The following PRKDC variants were observed in gnomAD, a reference collection of about 807,000 sequenced individuals.
PRKDC encodes DNA-dependent protein kinase catalytic subunit.
A neutral mutation model predicts 486.9 loss-of-function variants in PRKDC; 82 were observed. That is an observed-to-expected ratio of 0.17 (90% CI 0.14 to 0.20). PRKDC has a LOEUF of 0.20. PRKDC is among the 10% of genes least tolerant of loss of function. PRKDC has a pLI of 1.00. For synonymous variants in PRKDC, 1,895 were observed against 1,837.0 expected, an observed-to-expected ratio of 1.03 and a Z score of -0.81; for missense variants, 4,504 against 5,038.2, an observed-to-expected ratio of 0.89 and a Z score of 3.21.
In PRKDC at chr8:47,799,228, C is replaced by T; in HGVS notation, c.10279G>A (p.Glu3427Lys). The T allele has an allele frequency of 1.2e-6, 2 of 1,613,918 alleles. No homozygotes were observed. Among genetic ancestry groups the T allele is most frequent in the Non-Finnish European group, 1.7e-6 (2 of 1,179,892 alleles). ...ADFCDQQLRKEEENASVIDSA... is the reference protein window; with the variant it reads ...ADFCDQQLRKKEENASVIDSA... ...AATTCACCTGATGCATTCTCTTCCT[C>T]CTTGCGCAGCTGTTGGTCACAGAAA... The change falls in exon 72 of 86, where the codon GAG becomes AAG. Residue 3427 changes from glutamate (E) to lysine (K), a missense_variant. Glu to Lys is a moderately conservative substitution (Grantham distance 56). Around this residue, in one of 6 missense-constraint regions of PRKDC, gnomAD observed 706 missense variants for 945.0 expected, o/e 0.75. Coordinates refer to ENST00000314191, the MANE Select transcript of PRKDC (RefSeq NM_006904.7).
chr8:47,858,936 G>T lies in PRKDC; in HGVS notation c.6258C>A (p.Asp2086Glu). 1 of 1,613,644 alleles carries T rather than the reference G, an allele frequency of 6.2e-7. No homozygotes were observed. Among genetic ancestry groups the T allele is most frequent in the Non-Finnish European group, 8.5e-7 (1 of 1,179,874 alleles). ...CCATGCACTCATGCCGATTGAGCTC[G>T]TCCATCTCCAGCTCCAGCACATCAT... ...VHDDVLELEMDELNRHECMAP... is the reference protein window; with the variant it reads ...VHDDVLELEMEELNRHECMAP... Residue 2086 changes from aspartate (D) to glutamate (E), a missense_variant, in exon 47 of 86, where the codon GAC becomes GAA. By Grantham distance (45) the Asp-to-Glu change is conservative. Around this residue, in one of 6 missense-constraint regions of PRKDC, gnomAD observed 1,592 missense variants for 1,724.6 expected, o/e 0.92. Coordinates refer to ENST00000314191, the MANE Select transcript of PRKDC (RefSeq NM_006904.7).
chr8:47,849,774 C>A (rs1018179090), intron 52 of PRKDC, among the ~76,000 whole-genome samples: 1 of 152,122 alleles, frequency 6.6e-6, no homozygotes, highest in Admixed American at 6.5e-5. Flanking sequence ...GTGTCTGGCT[C>A]GTGTAGATGT....
intron 10 of PRKDC, chr8:47,939,950 GAA>G (rs75394842): frequency 3.2e-4 from 21 of 65,824 alleles, no homozygotes; most frequent in East Asian, 8.7e-4. Flanking sequence ...ACATAAGTCT[GAA>G]AAAAAAAAAA....
At chr8:47,955,621 A>G (rs2090689019) in intron 4 of PRKDC, among the ~76,000 whole-genome samples, 1 of 152,164 alleles carries the variant, frequency 6.6e-6, no homozygotes, top group South Asian at 2.1e-4. Flanking sequence ...AGAGCAATAA[A>G]TTCCTTAGTC....
At chr8:47,894,677 C>T (rs565237129) in intron 30 of PRKDC, among the ~76,000 whole-genome samples, 2 of 152,282 alleles carry the variant, frequency 1.3e-5, no homozygotes, top group South Asian at 4.1e-4. Context: ...GAGGGACAAC[C>T]CTGCACCTGT....
intron 67 of PRKDC, among the ~76,000 whole-genome samples, chr8:47,817,827 T>C (rs569877193): frequency 6.6e-6 from 1 of 152,348 alleles, no homozygotes; most frequent in South Asian, 2.1e-4. Context: ...AGTCCATCTG[T>C]AATATCAAAA....
intron 41 of PRKDC, among the ~76,000 whole-genome samples, chr8:47,864,346 T>TGGCCTCCA (rs1189890585): frequency 6.6e-6 from 1 of 152,148 alleles, no homozygotes; most frequent in Non-Finnish European, 1.5e-5. Context: ...TCTGGACTTC[T>TGGCCTCCA]GGCCTCCAGA....
intron 34 of PRKDC, 37 bp from the exon 35 acceptor site, chr8:47,887,742 G>C (rs372792036): frequency 3.2e-6 from 5 of 1,548,664 alleles, no homozygotes; most frequent in Non-Finnish European, 4.3e-6. Flanking sequence ...CTAGCAAAAA[G>C]ATATTTCTTA....
At chr8:47,927,077 A>T in intron 21 of PRKDC, 117 bp downstream of exon 21, 1 of 951,664 alleles carries the variant, frequency 1.1e-6, no homozygotes, top group East Asian at 2.8e-5. Flanking sequence ...GCAATCAAAC[A>T]TATTTTGAAC....
chr8:47,804,711 T>C (rs1009458555), intron 69 of PRKDC, among the ~76,000 whole-genome samples: 1 of 152,174 alleles, frequency 6.6e-6, no homozygotes, highest in African/African-American at 2.4e-5. Flanking sequence ...TTGTTTCTCA[T>C]GGGTCTGGGA....
chr8:47,865,047 C>G (rs1272990211), intron 40 of PRKDC, among the ~76,000 whole-genome samples: 1 of 152,200 alleles, frequency 6.6e-6, no homozygotes, highest in Non-Finnish European at 1.5e-5. Flanking sequence ...CTGGAAGGCT[C>G]TAGAAGAATC....
chr8:47,949,410 T>C (rs900631646), intron 7 of PRKDC, among the ~76,000 whole-genome samples: 7 of 152,220 alleles, frequency 4.6e-5, no homozygotes, highest in Non-Finnish European at 8.8e-5. Flanking sequence ...ACATTTTACC[T>C]GCCATGAAGA....
rs1382269413 is a variant in PRKDC, at chr8:47,881,519, A to G, written c.4964T>C (p.Ile1655Thr). Residue 1655 changes from isoleucine to threonine, a missense_variant and splice_region_variant, in exon 38 of 86, where the codon ATT becomes ACT. By Grantham distance (89) the Ile-to-Thr change is moderately conservative (BLOSUM62 -1). This residue lies in a region of PRKDC where 1,969 missense variants were observed against 2,068.9 expected (regional missense o/e 0.95). Transcript: ENST00000314191. ...VLALLAKILQ[I>T]DSSVSFNTSH... ...TGTATTAAAAGATACAGATGAATCA[A>G]TCTAAAGGAAGGAAAAGAAAAACAG... is the stretch of plus-strand genomic sequence containing the variant. 2 of 1,462,818 alleles carry G rather than the reference A, an allele frequency of 1.4e-6. No homozygotes were observed. The highest frequency in any genetic ancestry group is 1.3e-5 in the South Asian group (1 of 77,028). The allele number at this position is 1,462,818 out of a possible 1,614,324, so 90.6% of individuals were successfully genotyped here.
chr8:47,933,821 G>T, intron 15 of PRKDC, 144 bp downstream of exon 15: 2 of 861,592 alleles, frequency 2.3e-6, no homozygotes, highest in Non-Finnish European at 1.6e-6. Context: ...GATTCATACG[G>T]TTTTAATTTT....
intron 68 of PRKDC, among the ~76,000 whole-genome samples, chr8:47,810,829 CA>C (rs2087309701): frequency 6.6e-6 from 1 of 151,538 alleles, no homozygotes; most frequent in East Asian, 1.9e-4. Flanking sequence ...ACAAGTAAGA[CA>C]AAAGAAAATA....
At chr8:47,807,374 C>T (rs770996520) in intron 68 of PRKDC, 48 bp from the exon 69 acceptor site, 2 of 1,423,210 alleles carry the variant, frequency 1.4e-6, no homozygotes, top group South Asian at 1.5e-5. Flanking sequence ...GAATAGGAAG[C>T]TGCTGGATAG....
At chr8:47,840,274 T>G in intron 54 of PRKDC, 85 bp from the exon 55 acceptor site, 1 of 1,084,894 alleles carries the variant, frequency 9.2e-7, no homozygotes, top group Non-Finnish European at 1.3e-6. Context: ...TTTTCTTCTT[T>G]GTTTCAAAAT....
At chr8:47,952,872 G>C (rs2090648197) in intron 7 of PRKDC, among the ~76,000 whole-genome samples, 1 of 152,150 alleles carries the variant, frequency 6.6e-6, no homozygotes, top group Admixed American at 6.5e-5. Flanking sequence ...GGGTGCGGTG[G>C]CTCATGCCTG....
In PRKDC at chr8:47,854,202, T is replaced by C. The variant is rs756016734; in HGVS notation, c.6774A>G (p.Glu2258=). Residue 2258 remains glutamate, a synonymous_variant, in exon 51 of 86, where the codon GAA becomes GAG. Transcript: ENST00000314191. ...AATTAGGATCTTTACCGGAAAACTT[T>C]TCAAATATTAACCTGAAACATAAGC... ...CLSIPYRLIF[E]KFSGKDPNSK... is the part of the protein sequence containing the mutation. The C allele has an allele frequency of 2.5e-6, 4 of 1,613,356 alleles. No homozygotes were observed. Among genetic ancestry groups the C allele is most frequent in the Non-Finnish European group, 3.4e-6 (4 of 1,179,262 alleles).
Sources: gnomAD v4.1 joint callset for allele counts (sites outside exome capture counted in the v4.1 genomes callset) on GRCh38, gnomAD v4.1.1 for gene constraint, gnomAD v4.1.1 regional missense constraint, MANE v1.5 for transcripts, NCBI Gene and HGNC (gene_info 2026-07-23, HGNC 2026-07-21) for gene names.